The following VSNL1 variants were observed in gnomAD, a reference collection of about 807,000 sequenced individuals.
The protein encoded by VSNL1 is visinin-like protein 1.
A neutral mutation model predicts 20.4 loss-of-function variants in VSNL1; 6 were observed. The observed-to-expected ratio is 0.29, with a 90% confidence interval of 0.16 to 0.58. The LOEUF is 0.58. VSNL1 is among the 20% of genes least tolerant of loss of function. The pLI is 0.90. For synonymous variants in VSNL1, 93 were observed against 86.4 expected, an observed-to-expected ratio of 1.08 and a Z score of -0.42; for missense variants, 100 against 234.5, an observed-to-expected ratio of 0.43 and a Z score of 3.75.
chr2:17,619,510 C>T (rs901422700), intron 2 of VSNL1, among the ~76,000 whole-genome samples: 6 of 152,150 alleles, frequency 3.9e-5, no homozygotes, highest in Non-Finnish European at 4.4e-5. Flanking sequence ...CAGCAGCCCC[C>T]GAGCCTTCTG....
chr2:17,561,199 G>C (rs777705278), intron 1 of VSNL1, among the ~76,000 whole-genome samples: 2 of 152,150 alleles, frequency 1.3e-5, no homozygotes, highest in African/African-American at 4.8e-5. Context: ...AAAATGGGGT[G>C]AAGAATATGC....
At chr2:17,592,706 A>G (rs1174311114) in intron 2 of VSNL1, among the ~76,000 whole-genome samples, 1 of 126,346 alleles carries the variant, frequency 7.9e-6, no homozygotes, top group Non-Finnish European at 1.6e-5. Context: ...CTGTATCCAG[A>G]TAAGAACCCA....
At chr2:17,621,153 A>G (rs1435296036) in intron 2 of VSNL1, among the ~76,000 whole-genome samples, 1 of 152,120 alleles carries the variant, frequency 6.6e-6, no homozygotes, top group Admixed American at 6.5e-5. Context: ...GAATCTCACC[A>G]GGCAGCCCTA....
chr2:17,635,217 C>T (rs895308070), intron 2 of VSNL1, among the ~76,000 whole-genome samples: 1 of 152,118 alleles, frequency 6.6e-6, no homozygotes, highest in Non-Finnish European at 1.5e-5. Context: ...GACGAATGCT[C>T]GGAGATGGAA....
intron 2 of VSNL1, among the ~76,000 whole-genome samples, chr2:17,637,260 A>G (rs375438405): frequency 1.3e-5 from 2 of 152,230 alleles, no homozygotes; most frequent in African/African-American, 4.8e-5. Context: ...AGAGATAAAT[A>G]TGGAAATGTG....
chr2:17,647,882 G>A (rs919781615), intron 2 of VSNL1, among the ~76,000 whole-genome samples: 5 of 152,090 alleles, frequency 3.3e-5, no homozygotes, highest in African/African-American at 9.7e-5. Context: ...GAATAAGAAC[G>A]CAGTGAATTC....
intron 1 of VSNL1, among the ~76,000 whole-genome samples, chr2:17,578,341 A>G (rs116288725): frequency 6.6e-4 from 100 of 152,288 alleles, no homozygotes; most frequent in African/African-American, 2.3e-3. Context: ...GTGAAGCTCT[A>G]AATTCTTAGA....
chr2:17,551,272 GA>G (rs1220823627), intron 1 of VSNL1, among the ~76,000 whole-genome samples: 9 of 152,120 alleles, frequency 5.9e-5, no homozygotes, highest in Non-Finnish European at 1.3e-4. Flanking sequence ...AAGCCAGCAG[GA>G]CAAAAGAACG....
At chr2:17,643,349 T>A (rs1247242071) in intron 2 of VSNL1, among the ~76,000 whole-genome samples, 1 of 152,210 alleles carries the variant, frequency 6.6e-6, no homozygotes, top group Non-Finnish European at 1.5e-5. Context: ...CTGATTCATC[T>A]CCTCATGAGT....
intron 1 of VSNL1, among the ~76,000 whole-genome samples, chr2:17,544,113 C>G (rs1663356392): frequency 1.3e-5 from 2 of 152,174 alleles, no homozygotes; most frequent in South Asian, 4.1e-4. Flanking sequence ...GGAAGTCCCA[C>G]TTGGGATCTC....
At chr2:17,587,140 T>C (rs535438322) in intron 1 of VSNL1, among the ~76,000 whole-genome samples, 3 of 152,302 alleles carry the variant, frequency 2.0e-5, no homozygotes, top group Non-Finnish European at 2.9e-5. Flanking sequence ...TTTATCCTGC[T>C]ATGTATTTGC....
intron 2 of VSNL1, among the ~76,000 whole-genome samples, chr2:17,612,214 G>T (rs967979865): frequency 6.6e-6 from 1 of 152,152 alleles, no homozygotes; most frequent in African/African-American, 2.4e-5. Flanking sequence ...CTTTTTGGAG[G>T]CTGAAGCCTC....
chr2:17,573,660 T>C (rs1175246867), intron 1 of VSNL1, among the ~76,000 whole-genome samples: 4 of 152,174 alleles, frequency 2.6e-5, no homozygotes, highest in Admixed American at 1.3e-4. Flanking sequence ...TCCTGCCCAT[T>C]GTATCCTCCA....
chr2:17,553,575 A>G (rs1057331464), intron 1 of VSNL1, among the ~76,000 whole-genome samples: 1 of 152,170 alleles, frequency 6.6e-6, no homozygotes, highest in African/African-American at 2.4e-5. Flanking sequence ...TCTGGTTCTT[A>G]GGGTGTAAAA....
chr2:17,567,498 A>G (rs1307540760), intron 1 of VSNL1: 2 of 151,620 alleles, frequency 1.3e-5, no homozygotes, highest in South Asian at 2.1e-4. Context: ...AGCTGGGACT[A>G]CAGGCGGCCG....
intron 1 of VSNL1, among the ~76,000 whole-genome samples, chr2:17,562,232 A>G (rs138780292): frequency 7.2e-5 from 11 of 152,348 alleles, no homozygotes; most frequent in South Asian, 2.1e-4. Context: ...TTCATATTTT[A>G]TTAATAGTGA....
intron 2 of VSNL1, among the ~76,000 whole-genome samples, chr2:17,633,114 G>A (rs1185502909): frequency 6.6e-6 from 1 of 152,190 alleles, no homozygotes; most frequent in Non-Finnish European, 1.5e-5. Context: ...GAAGGCGAAT[G>A]AGGAGCAAAG....
At chr2:17,547,269 A>G (rs1318937190) in intron 1 of VSNL1, among the ~76,000 whole-genome samples, 1 of 152,072 alleles carries the variant, frequency 6.6e-6, no homozygotes, top group Non-Finnish European at 1.5e-5. Flanking sequence ...CAGAAAATAG[A>G]AGATTATATA....
rs1188895169 is a variant in VSNL1, at chr2:17,656,997, A to G, written c.*1603A>G. 1.3e-5 allele frequency: 2 copies of G among 152,196 alleles called. No homozygotes were observed. Among genetic ancestry groups the G allele is most frequent in the African/African-American group, 2.4e-5 (1 of 41,458 alleles). The allele number at this position is 152,196 out of a possible 1,614,324, so 9.4% of individuals were successfully genotyped here. On this transcript the variant is annotated 3_prime_UTR_variant, in exon 4 of 4. Coordinates refer to ENST00000295156, the MANE Select transcript of VSNL1 (RefSeq NM_003385.5). ...TCTTTATTTGTCTTAGGATCATTAC[A>G]TAACACTAAACTAGGGTCTAATGAT...
Sources: allele counts gnomAD v4.1 joint callset (sites outside exome capture counted in the v4.1 genomes callset), GRCh38; gene constraint gnomAD v4.1.1; transcripts MANE v1.5; gene names NCBI Gene and HGNC (gene_info 2026-07-23, HGNC 2026-07-21).